The following FER1L5 variants were observed in gnomAD, a reference collection of about 807,000 sequenced individuals.
FER1L5 encodes the protein fer-1 like family member 5.
Under a neutral mutation model 279.9 loss-of-function variants are expected in FER1L5, and 187 were observed. That is an observed-to-expected ratio of 0.67 (90% CI 0.59 to 0.75). The LOEUF is 0.75. Among genes scored for constraint, FER1L5 ranks in the 30% least tolerant of loss-of-function variants. The probability of loss-of-function intolerance (pLI) is 0.00; values close to 1 mark genes in which losing one functional copy is unlikely to be tolerated. For missense variants in FER1L5, 2,091 were observed against 2,594.4 expected, an observed-to-expected ratio of 0.81 and a Z score of 4.21; for synonymous variants, 921 against 989.7, an observed-to-expected ratio of 0.93 and a Z score of 1.30.
rs373880240 is a variant in FER1L5 at position 96,699,655 on chromosome 2, C to T, written c.4716C>T (p.Ile1572=). ...SPDDKIGTTV[I]DLENRLLSGF... is the part of the protein sequence containing the mutation. ...ATGATAAGATAGGAACCACAGTCAT[C>T]GACCTTGAAAACCGACTCCTATCTG... The change falls in exon 43 of 53, where the codon ATC becomes ATT. Residue 1572 remains isoleucine, a synonymous_variant. Coordinates refer to ENST00000624922, the MANE Select transcript of FER1L5 (RefSeq NM_001293083.2). 6.2e-6 allele frequency: 10 copies of T among 1,613,910 alleles called. No homozygotes were observed. The highest frequency in any genetic ancestry group is 4.0e-5 in the African/African-American group (3 of 74,918).
At chr2:96,673,876 G>A (rs1384607205) in intron 19 of FER1L5, among the ~76,000 whole-genome samples, 2 of 152,078 alleles carry the variant, frequency 1.3e-5, no homozygotes, top group African/African-American at 2.4e-5. Context: ...AGGTGACTGG[G>A]GTGCATGCTC....
intron 14 of FER1L5, among the ~76,000 whole-genome samples, chr2:96,668,008 G>A (rs914724751): frequency 3.9e-5 from 6 of 152,070 alleles, no homozygotes; most frequent in Admixed American, 1.3e-4. Context: ...CTATAGGTGA[G>A]TGCCACCACA....
chr2:96,676,627 T>C (rs1230011647), intron 19 of FER1L5, among the ~76,000 whole-genome samples: 1 of 151,846 alleles, frequency 6.6e-6, no homozygotes, highest in Non-Finnish European at 1.5e-5. Context: ...ATCAGGTATT[T>C]TTTGTTTTTT....
intron 13 of FER1L5, 107 bp downstream of exon 13, chr2:96,662,374 A>C: frequency 9.9e-7 from 1 of 1,013,356 alleles, no homozygotes; most frequent in Non-Finnish European, 1.5e-6. Flanking sequence ...TCTCCCAGTC[A>C]CCCACTGAGA....
At chr2:96,655,162 C>T (rs2075550652) in intron 9 of FER1L5, among the ~76,000 whole-genome samples, 1 of 152,052 alleles carries the variant, frequency 6.6e-6, no homozygotes, top group Admixed American at 6.6e-5. Flanking sequence ...GCAGAGGATC[C>T]AAAAGGTCAG....
chr2:96,698,010 C>G lies in FER1L5; in HGVS notation c.4237-27C>G. 6.5e-7 allele frequency: 1 copy of G among 1,546,812 alleles called. No individual in the cohort carries two copies. Among genetic ancestry groups the G allele is most frequent in the Non-Finnish European group, 8.7e-7 (1 of 1,144,520 alleles). ...TCCTAATCACGGGAACAGTCTCCAC[C>G]AGCCAGGGTTCCACACACCTCTGCA... is the stretch of plus-strand genomic sequence containing the variant. On this transcript the variant is annotated intron_variant, in intron 39 of 52. Transcript: ENST00000624922. The surrounding 1 kb of genome is among the most constrained non-coding windows in gnomAD (Gnocchi z 5.5).
At chr2:96,685,291 G>A in intron 20 of FER1L5, 38 bp from the exon 21 acceptor site, 1 of 1,535,972 alleles carries the variant, frequency 6.5e-7, no homozygotes. Context: ...GCTCCATGCT[G>A]AGGCGGGCTC....
In FER1L5 at chr2:96,652,313, G is replaced by A. The variant is rs370135852; in HGVS notation, c.633+293G>A. On this transcript the variant is annotated intron_variant, in intron 7 of 52. Transcript: ENST00000624922. ...GGAGTATTGCTATTGGAGGTTCGAA[G>A]CACAGACCCAGACCATGTATGTCTC... The A allele has an allele frequency of 1.1e-4, 45 of 404,030 alleles. 1 individual carries two copies. Among genetic ancestry groups the A allele is most frequent in the African/African-American group, 7.6e-4 (38 of 50,152 alleles). The allele number at this position is 404,030 out of a possible 1,614,324, so 25.0% of individuals were successfully genotyped here.
At chr2:96,651,498 TTCTG>T (rs1361427909) in intron 6 of FER1L5, among the ~76,000 whole-genome samples, 1 of 146,974 alleles carries the variant, frequency 6.8e-6, no homozygotes, top group Non-Finnish European at 1.5e-5. Context: ...CTTTCTTTCT[TTCTG>T]TCTTTCTTCT....
Position 96,687,898 on chromosome 2 carries a change from AG to A in FER1L5, c.2314del (p.Asp772ThrfsTer49), listed in dbSNP as rs2076991191. The A allele has an allele frequency of 6.4e-7, 1 of 1,550,984 alleles. No individual in the cohort carries two copies. Among genetic ancestry groups the A allele is most frequent in the Admixed American group, 2.0e-5 (1 of 50,984 alleles). On this transcript the variant is annotated frameshift_variant, in exon 24 of 53. Transcript: ENST00000624922. LOFTEE classifies it high-confidence loss of function. Reference sequence around the variant, plus strand: ...TGGCTTGGCAATGTCACAGACAGCAAGGACCTGCAGCTGCTCCGCCAGGGTG... The same window carrying A: ...TGGCTTGGCAATGTCACAGACAGCAAGACCTGCAGCTGCTCCGCCAGGGTG... The part of the protein sequence containing the change: ...CMWLGNVTDS[K>X]DLQLLRQGDT...
chr2:96,659,884 A>G lies in FER1L5; in HGVS notation c.748-457A>G, dbSNP rs567147995. Among the ~76,000 whole-genome samples, 16 of 152,192 alleles carry G rather than the reference A, an allele frequency of 1.1e-4. No individual in the cohort carries two copies. In the East Asian group the frequency reaches 2.7e-3, roughly 26 times the overall value. ...TGTTCTGTGGCAGCTTGCCCCACAT[A>G]TGTCACCTTCCATCCTGAACCACAT... On this transcript the variant is annotated intron_variant, in intron 9 of 52. Coordinates refer to ENST00000624922, the MANE Select transcript of FER1L5 (RefSeq NM_001293083.2).
chr2:96,648,462 T>C (rs762441516), intron 4 of FER1L5, among the ~76,000 whole-genome samples: 66 of 152,228 alleles, frequency 4.3e-4, no homozygotes, highest in Non-Finnish European at 7.8e-4. Flanking sequence ...AGATGTGCCC[T>C]GATTGGAGGC....
chr2:96,648,035 C>A, intron 4 of FER1L5, 149 bp downstream of exon 4: 2 of 632,098 alleles, frequency 3.2e-6, no homozygotes, highest in South Asian at 3.7e-5. Context: ...ATCATCTGCG[C>A]CCCCCTCCCC....
At position 96,689,651 on chromosome 2, in the gene FER1L5, C is replaced by G. The variant is rs948092700; in HGVS notation, c.2533C>G (p.Leu845Val). 5 of 1,551,066 alleles carry G rather than the reference C, an allele frequency of 3.2e-6. No individual in the cohort carries two copies. The highest frequency in any genetic ancestry group is 1.7e-6 in the Non-Finnish European group (2 of 1,146,902). Residue 845 changes from leucine to valine, a missense_variant, in exon 26 of 53, where the codon CTG (leucine) becomes GTG (valine). Transcript: ENST00000624922. This position sits in a 1 kb window ranked among gnomAD's most constrained non-coding sequence, Gnocchi z 4.6. ...WTVEPQRRLL[L>V]DIDINKSQVL... ...GGGTCTCATTACCCCCAGGCTCCTC[C>G]TGGACATAGACATCAACAAGAGCCA...
chr2:96,702,560 C>G lies in FER1L5; in HGVS notation c.5256-40C>G. The G allele has an allele frequency of 6.4e-7, 1 of 1,554,298 alleles. No homozygotes were observed. The highest frequency in any genetic ancestry group is 8.7e-7 in the Non-Finnish European group (1 of 1,148,950). On this transcript the variant is annotated intron_variant, in intron 47 of 52. Coordinates refer to ENST00000624922, the MANE Select transcript of FER1L5 (RefSeq NM_001293083.2). The surrounding 1 kb of genome is among the most constrained non-coding windows in gnomAD (Gnocchi z 4.0). ...TGGGGCTCCAGCTGGGGGATGGGGCCAATGCACATGAGCCACAGGTGATAG... is the reference window on the plus strand; with the variant it reads ...TGGGGCTCCAGCTGGGGGATGGGGCGAATGCACATGAGCCACAGGTGATAG...
intron 19 of FER1L5, among the ~76,000 whole-genome samples, chr2:96,674,362 A>G (rs2076435016): frequency 6.6e-6 from 1 of 152,184 alleles, no homozygotes; most frequent in African/African-American, 2.4e-5. Flanking sequence ...AGCTGGGACT[A>G]CAGGCACATG....
At position 96,691,181 on chromosome 2, in the gene FER1L5, C is replaced by T; in HGVS notation, c.2744-9C>T. On this transcript the variant is annotated splice_polypyrimidine_tract_variant and intron_variant, in intron 27 of 52. Transcript: ENST00000624922. This position sits in a 1 kb window ranked among gnomAD's most constrained non-coding sequence, Gnocchi z 6.0. ...TGAGGACTCAGAGGCCATGGTCCAC[C>T]CACCGCAGGCTGGGAGTATGGAGTG... The T allele has an allele frequency of 6.5e-7, 1 of 1,543,118 alleles. No individual in the cohort carries two copies. Among genetic ancestry groups the T allele is most frequent in the Non-Finnish European group, 8.8e-7 (1 of 1,142,442 alleles).
intron 14 of FER1L5, among the ~76,000 whole-genome samples, chr2:96,663,764 T>C (rs2076032729): frequency 1.3e-5 from 2 of 152,142 alleles, no homozygotes; most frequent in Admixed American, 1.3e-4. Context: ...ACAATTTGGC[T>C]GGGCACGGTG....
chr2:96,667,924 G>A (rs552708340), intron 14 of FER1L5, among the ~76,000 whole-genome samples: 65 of 152,130 alleles, frequency 4.3e-4, no homozygotes, highest in African/African-American at 1.3e-3. Context: ...GCAGTGGCAC[G>A]ATCATGGTTC....
Sources: gnomAD v4.1 joint callset for allele counts (sites outside exome capture counted in the v4.1 genomes callset) on GRCh38, gnomAD v4.1.1 for gene constraint, Gnocchi (gnomAD v3.1) non-coding constraint, MANE v1.5 for transcripts, NCBI Gene and HGNC (gene_info 2026-07-23, HGNC 2026-07-21) for gene names.